EYS: variants seen among roughly 807,000 people sequenced by gnomAD.
EYS encodes protein eyes shut homolog.
In EYS, 250 loss-of-function variants were observed where a neutral mutation model predicts 282.1. That is an observed-to-expected ratio of 0.89 (90% confidence interval 0.80 to 0.98). The LOEUF (loss-of-function observed/expected upper bound fraction) is 0.98, where lower values mean the gene tolerates loss of function less well. Among genes scored for constraint, EYS ranks in the 50% least tolerant of loss-of-function variants. The pLI, the probability that EYS is intolerant of heterozygous loss-of-function variation, is 0.00. For synonymous variants in EYS, 1,355 were observed against 1,282.9 expected (o/e 1.06, Z -1.20); for missense variants, 4,016 against 3,709.0 (o/e 1.08, Z -2.15).
At chr6:65,415,087 T>G (rs1170494332) in intron 5 of EYS, among the ~76,000 whole-genome samples, 1 of 152,172 alleles carries the variant, frequency 6.6e-6, no homozygotes, top group East Asian at 1.9e-4. Flanking sequence ...AGAATTAGAC[T>G]GAATTAATTA....
chr6:65,330,740 A>C, intron 11 of EYS: 1 of 954,634 alleles, frequency 1.0e-6, no homozygotes, highest in Non-Finnish European at 1.2e-6. Context: ...TTAATTGAAA[A>C]ATTTCTCCAT....
At chr6:63,887,569 C>T (rs1447464181) in intron 35 of EYS, among the ~76,000 whole-genome samples, 1 of 152,164 alleles carries the variant, frequency 6.6e-6, no homozygotes, top group African/African-American at 2.4e-5. Flanking sequence ...GGAACTCCAT[C>T]CCCTAGCCAA....
rs552542363 is a variant in EYS at position 64,869,665 on chromosome 6, G to A, written c.2992+17032C>T. 2.6e-5 allele frequency among the ~76,000 whole-genome samples: 4 copies of A among 151,686 alleles called. No individual in the cohort carries two copies. The South Asian group carries it at 8.3e-4, about 31-fold the overall frequency. ...CAAAGGAAAATAGTGTAGCATGTTTGAGAAATAAGCAGCAGCTCGTGAACT... is the reference window on the plus strand; with the variant it reads ...CAAAGGAAAATAGTGTAGCATGTTTAAGAAATAAGCAGCAGCTCGTGAACT... On this transcript the variant is annotated intron_variant, in intron 19 of 42. Coordinates refer to ENST00000503581, the MANE Select transcript of EYS (RefSeq NM_001142800.2).
At chr6:63,780,985 G>T (rs1231709294) in intron 39 of EYS, among the ~76,000 whole-genome samples, 7 of 152,290 alleles carry the variant, frequency 4.6e-5, no homozygotes. Context: ...AGTTTTCCCA[G>T]AACCATTTAT....
intron 12 of EYS, among the ~76,000 whole-genome samples, chr6:65,083,194 C>T (rs113100386): frequency 2.3e-3 from 356 of 152,036 alleles, no homozygotes; most frequent in East Asian, 0.021. Flanking sequence ...ATTAGACTCA[C>T]GAACCTTTAA....
chr6:64,612,952 G>A (rs1767158600), intron 24 of EYS, among the ~76,000 whole-genome samples: 2 of 152,032 alleles, frequency 1.3e-5, no homozygotes, highest in South Asian at 4.1e-4. Context: ...AACATAAAAG[G>A]ATTTAATGTG....
intron 24 of EYS, among the ~76,000 whole-genome samples, chr6:64,604,579 A>T (rs1338362488): frequency 6.6e-6 from 1 of 152,042 alleles, no homozygotes; most frequent in East Asian, 1.9e-4. Flanking sequence ...ATTGGTAGTG[A>T]AAACTTTAAG....
chr6:64,584,290 G>A (rs1354158069), intron 26 of EYS, among the ~76,000 whole-genome samples: 1 of 151,790 alleles, frequency 6.6e-6, no homozygotes, highest in Non-Finnish European at 1.5e-5. Context: ...TTTAGAATAG[G>A]TTGTATACAT....
chr6:64,551,999 A>T (rs1765100190), intron 26 of EYS, among the ~76,000 whole-genome samples: 1 of 152,090 alleles, frequency 6.6e-6, no homozygotes, highest in African/African-American at 2.4e-5. Context: ...CAAACTCCTG[A>T]CTTCACGTGA....
At chr6:64,795,409 C>A (rs1157650540) in intron 22 of EYS, among the ~76,000 whole-genome samples, 1 of 151,894 alleles carries the variant, frequency 6.6e-6, no homozygotes, top group East Asian at 1.9e-4. Context: ...GAAGGAACAC[C>A]ATTCTTGGTT....
chr6:65,398,935 A>G (rs185894630), intron 7 of EYS, among the ~76,000 whole-genome samples: 2 of 152,200 alleles, frequency 1.3e-5, no homozygotes, highest in Admixed American at 6.6e-5. Context: ...CCTTAGAGTT[A>G]CCCTTGACTT....
At chr6:65,217,495 A>C (rs1318837048) in intron 12 of EYS, among the ~76,000 whole-genome samples, 1 of 151,958 alleles carries the variant, frequency 6.6e-6, no homozygotes, top group African/African-American at 2.4e-5. Context: ...TTTGTCAAAC[A>C]CTCTTCTAGT....
chr6:64,889,487 T>C (rs1210168665), intron 18 of EYS, among the ~76,000 whole-genome samples: 6 of 152,046 alleles, frequency 3.9e-5, no homozygotes, highest in Non-Finnish European at 8.8e-5. Context: ...TAGTTTTTAC[T>C]AAATGTTATT....
intron 31 of EYS, among the ~76,000 whole-genome samples, chr6:64,094,928 T>C (rs1375339032): frequency 6.6e-6 from 1 of 152,210 alleles, no homozygotes; most frequent in Non-Finnish European, 1.5e-5. Flanking sequence ...GCGTTGAATG[T>C]GTCCCAGAGA....
intron 31 of EYS, among the ~76,000 whole-genome samples, chr6:64,088,568 A>G (rs1194966235): frequency 6.6e-6 from 1 of 152,040 alleles, no homozygotes; most frequent in Non-Finnish European, 1.5e-5. Context: ...TCAAATTGGC[A>G]AAGGAAGCTA....
chr6:64,003,885 C>T (rs2149806112), intron 33 of EYS, among the ~76,000 whole-genome samples: 1 of 152,260 alleles, frequency 6.6e-6, no homozygotes, highest in South Asian at 2.1e-4. Context: ...TCCTTCCTGC[C>T]ATCACATGAA....
At chr6:63,877,516 C>T (rs1270203943) in intron 35 of EYS, among the ~76,000 whole-genome samples, 1 of 152,280 alleles carries the variant, frequency 6.6e-6, no homozygotes, top group Non-Finnish European at 1.5e-5. Flanking sequence ...GACTGTTGGG[C>T]TGCCTTGCTA....
At chr6:65,087,489 C>T (rs1380973472) in intron 12 of EYS, among the ~76,000 whole-genome samples, 1 of 152,066 alleles carries the variant, frequency 6.6e-6, no homozygotes, top group African/African-American at 2.4e-5. Flanking sequence ...CACAGCTGTG[C>T]ATCTTACCTA....
At chr6:64,175,917 C>T (rs1236815332) in intron 31 of EYS, among the ~76,000 whole-genome samples, 1 of 151,896 alleles carries the variant, frequency 6.6e-6, no homozygotes, top group Non-Finnish European at 1.5e-5. Flanking sequence ...AGGGATAAGA[C>T]AATAAAGAAA....
Sources: gnomAD v4.1 joint callset for allele counts (sites outside exome capture counted in the v4.1 genomes callset) on GRCh38, gnomAD v4.1.1 for gene constraint, MANE v1.5 for transcripts, NCBI Gene and HGNC (gene_info 2026-07-23, HGNC 2026-07-21) for gene names.